Variants in SAMD5 observed in about 807,000 individuals in gnomAD.
SAMD5 encodes sterile alpha motif domain containing 5.
SAMD5 carries 13 observed loss-of-function variants against 11.3 expected under a neutral mutation model. The observed-to-expected ratio is 1.15, with a 90% confidence interval of 0.75 to 1.83. The LOEUF (loss-of-function observed/expected upper bound fraction) is 1.83, where lower values mean the gene tolerates loss of function less well. Among genes scored for constraint, SAMD5 ranks in the 40% most tolerant of loss-of-function variants. The pLI is 0.00. For synonymous variants in SAMD5, 129 were observed against 111.3 expected (o/e 1.16, Z -1.00); for missense variants, 255 against 239.1 (o/e 1.07, Z -0.44).
chr6:147,802,306 A>C, the SAMD5 span, among the ~76,000 whole-genome samples: 1 of 152,122 alleles, frequency 6.6e-6, no homozygotes, highest in Non-Finnish European at 1.5e-5. Flanking sequence ...ATAGCACAGG[A>C]AAGTGCTCAA....
chr6:147,661,752 C>T (rs936951191), intron 1 of SAMD5, among the ~76,000 whole-genome samples: 10 of 152,176 alleles, frequency 6.6e-5, no homozygotes, highest in Non-Finnish European at 1.5e-4. Flanking sequence ...GCCTCAGCCT[C>T]CTGAGTAGCT....
chr6:147,582,215 T>A (rs1583094131), intron 1 of SAMD5, among the ~76,000 whole-genome samples: 1 of 151,926 alleles, frequency 6.6e-6, no homozygotes, highest in East Asian at 1.9e-4. Context: ...AAAAATTAGC[T>A]GGGCATGGTG....
At chr6:147,773,134 A>G in the SAMD5 span, among the ~76,000 whole-genome samples, 3 of 152,162 alleles carry the variant, frequency 2.0e-5, no homozygotes, top group Non-Finnish European at 2.9e-5. Flanking sequence ...TGAATTTTCA[A>G]TACCCTTCAG....
the SAMD5 span, among the ~76,000 whole-genome samples, chr6:147,927,505 A>C: frequency 5.9e-5 from 9 of 152,318 alleles, no homozygotes; most frequent in Admixed American, 5.2e-4. Flanking sequence ...ATTTTTGCAC[A>C]GTGAGTTTGT....
the SAMD5 span, among the ~76,000 whole-genome samples, chr6:147,799,227 T>G: frequency 0.13 from 20,466 of 152,086 alleles, 1,746 homozygotes; most frequent in East Asian, 0.37. Context: ...TTTCCATGTT[T>G]AGGGTTTCCT....
At chr6:147,838,162 GACT>G in the SAMD5 span, among the ~76,000 whole-genome samples, 1 of 152,118 alleles carries the variant, frequency 6.6e-6, no homozygotes, top group Non-Finnish European at 1.5e-5. Context: ...AAATTTGAGT[GACT>G]AGAAGCCCTA....
the SAMD5 span, among the ~76,000 whole-genome samples, chr6:147,830,251 C>CTTTTTTTTTTTTTTTTTTTTTTTTTTT: frequency 1.2e-5 from 1 of 84,934 alleles, no homozygotes; most frequent in Non-Finnish European, 2.2e-5. Context: ...TTCTTTCTTT[C>CTTTTTTTTTTTTTTTTTTTTTTTTTTT]TTTTTTTTTT....
chr6:147,842,929 G>A, the SAMD5 span, among the ~76,000 whole-genome samples: 1 of 152,128 alleles, frequency 6.6e-6, no homozygotes. Context: ...GCACGATCTT[G>A]ACTCATTGCA....
the SAMD5 span, among the ~76,000 whole-genome samples, chr6:147,944,931 T>G: frequency 1.3e-5 from 2 of 152,132 alleles, no homozygotes; most frequent in Admixed American, 1.3e-4. Context: ...GCCTCCATCT[T>G]CACATAGATT....
At chr6:147,941,243 T>C in the SAMD5 span, among the ~76,000 whole-genome samples, 8 of 150,632 alleles carry the variant, frequency 5.3e-5, no homozygotes, top group African/African-American at 2.0e-4. Context: ...TGTAGGTCTC[T>C]AATGCATGCC....
At chr6:147,931,588 G>A in the SAMD5 span, among the ~76,000 whole-genome samples, 2 of 151,832 alleles carry the variant, frequency 1.3e-5, no homozygotes, top group Middle Eastern at 3.4e-3. Flanking sequence ...TCACATTGAC[G>A]AATGCATTTC....
At chr6:147,543,355 G>A (rs902692112) in intron 1 of SAMD5, among the ~76,000 whole-genome samples, 2 of 152,128 alleles carry the variant, frequency 1.3e-5, no homozygotes, top group Non-Finnish European at 2.9e-5. Context: ...CATTGCTAGA[G>A]AAAGTTCTAA....
chr6:147,951,601 G>A, the SAMD5 span, among the ~76,000 whole-genome samples: 46 of 152,282 alleles, frequency 3.0e-4, no homozygotes, highest in African/African-American at 1.0e-3. Flanking sequence ...CCTTCAAGGA[G>A]ATTGGTGTGG....
chr6:147,640,617 C>T (rs1257174509), intron 1 of SAMD5, among the ~76,000 whole-genome samples: 1 of 150,670 alleles, frequency 6.6e-6, no homozygotes, highest in Non-Finnish European at 1.5e-5. Context: ...GTTTTTCTCA[C>T]ATATTGAAGA....
chr6:147,570,145 A>G, downstream of SAMD5: 3 of 469,908 alleles, frequency 6.4e-6, no homozygotes, highest in Non-Finnish European at 8.4e-6. Context: ...GGGAAATCAG[A>G]GTTCTAACGG....
At chr6:147,839,074 C>G in the SAMD5 span, among the ~76,000 whole-genome samples, 1 of 152,348 alleles carries the variant, frequency 6.6e-6, no homozygotes, top group Admixed American at 6.5e-5. Context: ...ATACCATCCA[C>G]AGTTCTTCCA....
chr6:147,631,216 G>A (rs1433767449), intron 1 of SAMD5, among the ~76,000 whole-genome samples: 6 of 152,138 alleles, frequency 3.9e-5, no homozygotes, highest in Non-Finnish European at 5.9e-5. Flanking sequence ...GCCTGGATAC[G>A]GTTTTGGATG....
At chr6:147,946,528 C>T in the SAMD5 span, among the ~76,000 whole-genome samples, 1 of 152,118 alleles carries the variant, frequency 6.6e-6, no homozygotes, top group Non-Finnish European at 1.5e-5. Context: ...TCTATAATAT[C>T]TTTATGGATT....
chr6:147,697,648 A>C (rs1791195580), intron 1 of SAMD5, among the ~76,000 whole-genome samples: 1 of 152,234 alleles, frequency 6.6e-6, no homozygotes, highest in Non-Finnish European at 1.5e-5. Flanking sequence ...CTAGGGGTTT[A>C]TATAGCAAGG....
Sources: gnomAD v4.1 joint callset for allele counts (sites outside exome capture counted in the v4.1 genomes callset) on GRCh38, gnomAD v4.1.1 for gene constraint, MANE v1.5 for transcripts, NCBI Gene and HGNC (gene_info 2026-07-23, HGNC 2026-07-21) for gene names.